CNTNAP4: variants seen among roughly 807,000 people sequenced by gnomAD.
CNTNAP4 encodes contactin associated protein family member 4.
In CNTNAP4, 98 loss-of-function variants were observed where a neutral mutation model predicts 148.4. The ratio of observed to expected loss-of-function variants is 0.66; its 90% confidence interval spans 0.56 to 0.78. The LOEUF is 0.78. Among genes scored for constraint, CNTNAP4 ranks in the 30% least tolerant of loss-of-function variants. CNTNAP4 has a pLI of 0.00. For synonymous variants in CNTNAP4, 730 were observed against 565.1 expected, an observed-to-expected ratio of 1.29 and a Z score of -4.14; for missense variants, 1,935 against 1,565.6, an observed-to-expected ratio of 1.24 and a Z score of -3.98.
intron 15 of CNTNAP4, 71 bp downstream of exon 15, chr16:76,498,765 A>G: frequency 2.8e-6 from 4 of 1,408,936 alleles, no homozygotes; most frequent in Non-Finnish European, 3.8e-6. Context: ...TCACTTAAGC[A>G]TCACGTTTCT....
At chr16:76,414,833 G>T (rs1429387979) in intron 3 of CNTNAP4, among the ~76,000 whole-genome samples, 2 of 151,192 alleles carry the variant, frequency 1.3e-5, no homozygotes, top group African/African-American at 4.8e-5. Flanking sequence ...ATGTGTATAG[G>T]ATCATCGTAA....
intron 3 of CNTNAP4, among the ~76,000 whole-genome samples, chr16:76,383,397 A>G (rs2016190708): frequency 7.6e-6 from 1 of 132,200 alleles, no homozygotes. Context: ...CAGGAACAGA[A>G]AAAAAAAAAA....
At chr16:76,457,237 C>G (rs1056845322) in intron 8 of CNTNAP4, among the ~76,000 whole-genome samples, 11 of 152,136 alleles carry the variant, frequency 7.2e-5, no homozygotes, top group African/African-American at 2.4e-4. Flanking sequence ...AGCTACAAAA[C>G]AATTAGAATC....
At chr16:76,375,843 AAAAG>A in intron 3 of CNTNAP4, among the ~76,000 whole-genome samples, 1 of 152,318 alleles carries the variant, frequency 6.6e-6, no homozygotes, top group East Asian at 1.9e-4. Context: ...CACAGCACTA[AAAAG>A]AAAGATGAGA....
intron 15 of CNTNAP4, among the ~76,000 whole-genome samples, chr16:76,518,944 T>C (rs4566193): frequency 0.64 from 97,360 of 151,988 alleles, 31,806 homozygotes; most frequent in African/African-American, 0.78. Context: ...GAATGCTGTC[T>C]TCAAAAGCCT....
At chr16:76,308,858 T>G (rs1169381402) in intron 1 of CNTNAP4, among the ~76,000 whole-genome samples, 1 of 152,134 alleles carries the variant, frequency 6.6e-6, no homozygotes, top group Non-Finnish European at 1.5e-5. Flanking sequence ...GGGGTCTTGC[T>G]CTGTTGTCCA....
chr16:76,434,336 G>T (rs2079733735), intron 4 of CNTNAP4, among the ~76,000 whole-genome samples: 1 of 152,126 alleles, frequency 6.6e-6, no homozygotes, highest in Non-Finnish European at 1.5e-5. Context: ...TGCTGGCATT[G>T]CCAGCTGAAA....
At chr16:76,423,202 T>G (rs766070411) in intron 3 of CNTNAP4, among the ~76,000 whole-genome samples, 1 of 152,194 alleles carries the variant, frequency 6.6e-6, no homozygotes, top group African/African-American at 2.4e-5. Context: ...TTTATGACTT[T>G]TGAAGTGAGA....
chr16:76,497,988 G>A lies in CNTNAP4; in HGVS notation c.2238-579G>A, dbSNP rs544626178. ...ATGTATTAACCAATTCCAGTAAAAA[G>A]GTAGAAAATTGTCCATTGAATTAAA... On this transcript the variant is annotated intron_variant, in intron 14 of 23. Transcript: ENST00000611870. Among the ~76,000 whole-genome samples, 495 of 152,034 alleles carry A rather than the reference G, an allele frequency of 3.3e-3. 2 individuals are homozygous for A. Among genetic ancestry groups the A allele is most frequent in the Non-Finnish European group, 5.1e-3 (346 of 67,978 alleles).
intron 4 of CNTNAP4, among the ~76,000 whole-genome samples, chr16:76,431,692 G>C (rs1401204098): frequency 6.6e-6 from 1 of 152,158 alleles, no homozygotes; most frequent in East Asian, 1.9e-4. Flanking sequence ...AGTAAAGGGG[G>C]AGGTAAGCAG....
At chr16:76,314,571 C>A (rs1277596367) in intron 1 of CNTNAP4, among the ~76,000 whole-genome samples, 1 of 152,154 alleles carries the variant, frequency 6.6e-6, no homozygotes, top group Non-Finnish European at 1.5e-5. Flanking sequence ...CAATGAATAT[C>A]TTTAAAGCAA....
chr16:76,471,574 A>C (rs2081378168), intron 10 of CNTNAP4, among the ~76,000 whole-genome samples: 1 of 151,944 alleles, frequency 6.6e-6, no homozygotes, highest in Admixed American at 6.6e-5. Context: ...TCCAGCCTCC[A>C]TGGCACCGTC....
At chr16:76,340,027 G>A (rs1339140113) in intron 2 of CNTNAP4, among the ~76,000 whole-genome samples, 1 of 152,152 alleles carries the variant, frequency 6.6e-6, no homozygotes, top group East Asian at 1.9e-4. Context: ...AAATTGTGGA[G>A]AACAAGAACA....
intron 3 of CNTNAP4, among the ~76,000 whole-genome samples, chr16:76,407,540 C>T (rs1378852828): frequency 6.6e-6 from 1 of 151,840 alleles, no homozygotes; most frequent in Non-Finnish European, 1.5e-5. Flanking sequence ...TTGAGGGGTT[C>T]AAGACTTCAG....
chr16:76,396,305 C>G (rs759022998), intron 3 of CNTNAP4, among the ~76,000 whole-genome samples: 6 of 152,168 alleles, frequency 3.9e-5, no homozygotes, highest in Non-Finnish European at 5.9e-5. Flanking sequence ...CTGCTGCTCA[C>G]AAGCCAGACA....
intron 5 of CNTNAP4, 115 bp from the exon 6 acceptor site, chr16:76,448,652 A>G: frequency 1.4e-6 from 1 of 691,654 alleles, no homozygotes; most frequent in Non-Finnish European, 2.3e-6. Context: ...TTTGAAACGG[A>G]ATGCGTAGAA....
At chr16:76,490,607 T>G (rs942130943) in intron 13 of CNTNAP4, among the ~76,000 whole-genome samples, 2 of 152,164 alleles carry the variant, frequency 1.3e-5, no homozygotes, top group African/African-American at 4.8e-5. Context: ...AACCATCCAA[T>G]GCAAAATCCA....
At chr16:76,524,794 A>G (rs1242694092) in intron 17 of CNTNAP4, among the ~76,000 whole-genome samples, 1 of 152,152 alleles carries the variant, frequency 6.6e-6, no homozygotes, top group African/African-American at 2.4e-5. Flanking sequence ...TGTTGATTAT[A>G]TTTAAGTCAA....
At chr16:76,540,502 T>C (rs995900195) in intron 20 of CNTNAP4, among the ~76,000 whole-genome samples, 1 of 151,482 alleles carries the variant, frequency 6.6e-6, no homozygotes, top group African/African-American at 2.4e-5. Context: ...TAATATTGTA[T>C]TATATATTAA....
Sources: allele counts gnomAD v4.1 joint callset (sites outside exome capture counted in the v4.1 genomes callset), GRCh38; gene constraint gnomAD v4.1.1; transcripts MANE v1.5; gene names NCBI Gene and HGNC (gene_info 2026-07-23, HGNC 2026-07-21).